SMAD2: variants seen among roughly 807,000 people sequenced by gnomAD.
SMAD2 encodes the protein MAD homolog 2.
A neutral mutation model predicts 64.4 loss-of-function variants in SMAD2; 8 were observed. The ratio of observed to expected loss-of-function variants is 0.12; its 90% CI spans 0.07 to 0.22. The LOEUF is 0.22. Among genes scored for constraint, SMAD2 ranks in the 10% least tolerant of loss-of-function variants. The probability of loss-of-function intolerance (pLI) is 1.00; values close to 1 mark genes in which losing one functional copy is unlikely to be tolerated. For synonymous variants in SMAD2, 203 were observed against 195.8 expected, an observed-to-expected ratio of 1.04 and a Z score of -0.31; for missense variants, 289 against 561.2, an observed-to-expected ratio of 0.51 and a Z score of 4.90.
At chr18:47,861,362 C>G (rs1237983569) in intron 6 of SMAD2, among the ~76,000 whole-genome samples, 1 of 151,974 alleles carries the variant, frequency 6.6e-6, no homozygotes, top group Non-Finnish European at 1.5e-5. Context: ...TCCTTATCAA[C>G]AGATGACATG....
rs949768962 is a variant in SMAD2, at chr18:47,810,905, G to C, written c.*30922C>G. 8 of 152,332 alleles carry C rather than the reference G, an allele frequency of 5.3e-5. No individual in the cohort carries two copies. Among genetic ancestry groups the C allele is most frequent in the Admixed American group, 2.0e-4 (3 of 15,300 alleles). 9.4% of individuals were successfully genotyped at this position (152,332 alleles called of 1,614,324 possible). Reference sequence around the variant, plus strand: ...CCTTAGACTGTGGGATGCAAATCGTGGTTTTCTTATGCCAAAACAACTTCC... The same window carrying C: ...CCTTAGACTGTGGGATGCAAATCGTCGTTTTCTTATGCCAAAACAACTTCC... On this transcript the variant is annotated 3_prime_UTR_variant, in exon 11 of 11. Coordinates refer to ENST00000262160, the MANE Select transcript of SMAD2 (RefSeq NM_005901.6).
At chr18:47,929,026 C>T (rs1485204330) in intron 1 of SMAD2, among the ~76,000 whole-genome samples, 1 of 152,144 alleles carries the variant, frequency 6.6e-6, no homozygotes, top group African/African-American at 2.4e-5. Flanking sequence ...TTAATATAAA[C>T]GTTTGCTAAA....
rs1319704589 is a variant in SMAD2, at chr18:47,890,516, A to G, written c.236+6005T>C. 2.0e-5 allele frequency among the ~76,000 whole-genome samples: 3 copies of G among 152,378 alleles called. No homozygotes were observed. In the East Asian group the frequency reaches 5.8e-4, roughly 29 times the overall value. On this transcript the variant is annotated intron_variant, in intron 2 of 10. Transcript: ENST00000262160. The stretch of plus-strand genomic sequence containing the variant: ...AATATTTCCAATAAATCATATTCCT[A>G]GCTATAATGTTTTATAGCTTATGAA...
At chr18:47,869,572 T>C (rs993694930) in intron 3 of SMAD2, 136 bp from the exon 4 acceptor site, 3 of 687,062 alleles carry the variant, frequency 4.4e-6, no homozygotes, top group African/African-American at 1.8e-5. Flanking sequence ...TTAGTGAGAA[T>C]CAAGAACAAA....
At chr18:47,845,974 G>A (rs1222368719) in intron 8 of SMAD2, among the ~76,000 whole-genome samples, 174 bp from the exon 9 acceptor site, 1 of 151,830 alleles carries the variant, frequency 6.6e-6, no homozygotes, top group South Asian at 2.1e-4. Flanking sequence ...TTTCTCCCAA[G>A]TATTTTCTAA....
At chr18:47,921,271 A>C (rs1371187837) in intron 1 of SMAD2, among the ~76,000 whole-genome samples, 4 of 152,252 alleles carry the variant, frequency 2.6e-5, no homozygotes, top group Non-Finnish European at 5.9e-5. Flanking sequence ...ATTAAGTGAC[A>C]TATGTGACCA....
chr18:47,868,569 G>T, intron 4 of SMAD2, 112 bp from the exon 5 acceptor site: 1 of 807,480 alleles, frequency 1.2e-6, no homozygotes. Context: ...TTAAAGCTAG[G>T]GTCCACCTAC....
intron 2 of SMAD2, among the ~76,000 whole-genome samples, chr18:47,884,836 T>C (rs892165782): frequency 4.6e-5 from 7 of 152,302 alleles, no homozygotes; most frequent in South Asian, 4.1e-4. Context: ...CAGGTGATGA[T>C]TGAAAAAAAC....
intron 10 of SMAD2, among the ~76,000 whole-genome samples, chr18:47,842,737 G>C (rs929335419): frequency 3.3e-5 from 5 of 152,126 alleles, no homozygotes; most frequent in Non-Finnish European, 5.9e-5. Flanking sequence ...ACCACAGAGA[G>C]TGTTAAAAGC....
Position 47,837,722 on chromosome 18 carries a change from A to G in SMAD2, c.*4105T>C, listed in dbSNP as rs1368434501. On this transcript the variant is annotated 3_prime_UTR_variant, in exon 11 of 11. Coordinates refer to ENST00000262160, the MANE Select transcript of SMAD2 (RefSeq NM_005901.6). ...AGCATATGAAAGGAAGAAATGTTTG[A>G]TATGTCTAAGTATCAATGCCTTCGA... The G allele has an allele frequency of 4.3e-6, 1 of 233,088 alleles. No individual in the cohort carries two copies. Among genetic ancestry groups the G allele is most frequent in the Non-Finnish European group, 8.5e-6 (1 of 117,876 alleles). 14.4% of individuals were successfully genotyped at this position (233,088 alleles called of 1,614,324 possible).
chr18:47,870,548 A>G lies in SMAD2; in HGVS notation c.253T>C (p.Trp85Arg). 2 of 1,613,188 alleles carry G rather than the reference A, an allele frequency of 1.2e-6. No homozygotes were observed. Among genetic ancestry groups the G allele is most frequent in the Non-Finnish European group, 8.5e-7 (1 of 1,179,200 alleles). The change falls in exon 3 of 11, where the codon TGG becomes CGG. Residue 85 changes from tryptophan to arginine, a missense_variant. Around this residue, in one of 6 missense-constraint regions of SMAD2, gnomAD observed 89 missense variants for 137.1 expected, o/e 0.65. Coordinates refer to ENST00000262160, the MANE Select transcript of SMAD2 (RefSeq NM_005901.6). ...VTIPSTCSEI[W>R]GLSTPNTIDQ... ...ATCGTATTTGGTGTACTCAGTCCCC[A>G]AATTTCAGAGCAAGTGCTGTGCATA...
chr18:47,892,325 G>A (rs181491343), intron 2 of SMAD2, among the ~76,000 whole-genome samples: 53 of 151,552 alleles, frequency 3.5e-4, no homozygotes, highest in African/African-American at 1.2e-3. Flanking sequence ...TCAGCCTCCC[G>A]AGTAGCTGGG....
chr18:47,852,934 AAT>A (rs1361474770), intron 6 of SMAD2, among the ~76,000 whole-genome samples: 1 of 152,146 alleles, frequency 6.6e-6, no homozygotes, highest in Non-Finnish European at 1.5e-5. Context: ...AAAAATATAA[AAT>A]ATATTTTCTT....
chr18:47,867,273 C>T (rs1470413557), intron 5 of SMAD2: 1 of 151,908 alleles, frequency 6.6e-6, no homozygotes, highest in Non-Finnish European at 1.5e-5. Context: ...TTAAAACAAT[C>T]AAAAACCACT....
rs1382914859 is a variant in SMAD2, at chr18:47,836,338, A to G, written c.*5489T>C. 9.0e-6 allele frequency: 2 copies of G among 223,132 alleles called. No individual in the cohort carries two copies. Among genetic ancestry groups the G allele is most frequent in the African/African-American group, 4.5e-5 (2 of 44,750 alleles). 13.8% of individuals were successfully genotyped at this position (223,132 alleles called of 1,614,324 possible). A position where few individuals can be genotyped will look rare whatever the true frequency, so the allele number is the denominator to read the frequency against. ...CATCCCAGAATCTGCTGGATGTATAATAATTTAGTAACGGGGTATATGGCA... is the reference window on the plus strand; with the variant it reads ...CATCCCAGAATCTGCTGGATGTATAGTAATTTAGTAACGGGGTATATGGCA... On this transcript the variant is annotated 3_prime_UTR_variant, in exon 11 of 11. Coordinates refer to ENST00000262160, the MANE Select transcript of SMAD2 (RefSeq NM_005901.6).
intron 2 of SMAD2, among the ~76,000 whole-genome samples, chr18:47,887,110 C>T (rs1256003968): frequency 2.6e-5 from 4 of 152,140 alleles, no homozygotes; most frequent in African/African-American, 9.7e-5. Flanking sequence ...AGCTCCCTTC[C>T]ACCACCACTC....
intron 1 of SMAD2, among the ~76,000 whole-genome samples, chr18:47,919,469 TACACACACACACACACACACACACAC>T (rs66523523): frequency 1.8e-4 from 23 of 129,958 alleles, no homozygotes; most frequent in African/African-American, 3.0e-4. Context: ...AAAAAAAAAA[TACACACACACACACACACACACACAC>T]ACACACACAC....
chr18:47,894,308 T>C (rs969703888), intron 2 of SMAD2, among the ~76,000 whole-genome samples: 5 of 152,152 alleles, frequency 3.3e-5, no homozygotes, highest in Non-Finnish European at 7.4e-5. Flanking sequence ...CTCAAGGAGT[T>C]TTCTCGCTGC....
Position 47,812,354 on chromosome 18 carries a change from T to C in SMAD2, c.*29473A>G, listed in dbSNP as rs982201092. The stretch of plus-strand genomic sequence containing the variant: ...AGGCCTCCCCAGCCATGTAAAACTG[T>C]GAGTCAATTAAACCTCTTTTATAAA... On this transcript the variant is annotated 3_prime_UTR_variant, in exon 11 of 11. Coordinates refer to ENST00000262160, the MANE Select transcript of SMAD2 (RefSeq NM_005901.6). 6.6e-6 allele frequency: 1 copy of C among 152,176 alleles called. No individual in the cohort carries two copies. Among genetic ancestry groups the C allele is most frequent in the Non-Finnish European group, 1.5e-5 (1 of 68,046 alleles). The allele number at this position is 152,176 out of a possible 1,614,324, so 9.4% of individuals were successfully genotyped here.
Sources: allele counts gnomAD v4.1 joint callset (sites outside exome capture counted in the v4.1 genomes callset), GRCh38; gene constraint gnomAD v4.1.1; regional missense constraint gnomAD v4.1.1; transcripts MANE v1.5; gene names NCBI Gene and HGNC (gene_info 2026-07-23, HGNC 2026-07-21).